The following PHLDB3 variants were observed in gnomAD, a reference collection of about 807,000 sequenced individuals.
The protein encoded by PHLDB3 is pleckstrin homology like domain family B member 3, also known as pleckstrin homology-like domain family B member 3.
A neutral mutation model predicts 85.7 loss-of-function variants in PHLDB3; 86 were observed. That is an observed-to-expected ratio of 1.00 (90% CI 0.84 to 1.20). PHLDB3 has a LOEUF of 1.20. Ranked by LOEUF, PHLDB3 falls within the 50% of genes most tolerant of loss-of-function variation. The pLI, the probability that PHLDB3 is intolerant of heterozygous loss-of-function variation, is 0.00. For missense variants in PHLDB3, 995 were observed against 873.0 expected (o/e 1.14, Z -1.76); for synonymous variants, 376 against 349.8 (o/e 1.07, Z -0.83).
At chr19:43,497,928 A>G (rs1006117059) in intron 4 of PHLDB3, 52 bp from the exon 5 acceptor site, 55 of 1,553,634 alleles carry the variant, frequency 3.5e-5, no homozygotes, top group Non-Finnish European at 4.3e-5. Flanking sequence ...CGGGAGAAGC[A>G]GCAGCCAGCC....
Position 43,479,393 on chromosome 19 carries a change from GC to G in PHLDB3, c.1685del (p.Arg562ProfsTer41). 3 of 1,563,490 alleles carry G rather than the reference GC, an allele frequency of 1.9e-6. No homozygotes were observed. Among genetic ancestry groups the G allele is most frequent in the Non-Finnish European group, 1.7e-6 (2 of 1,154,700 alleles). On this transcript the variant is annotated frameshift_variant, in exon 14 of 16. Transcript: ENST00000292140. LOFTEE classifies it high-confidence loss of function. ...RWFCFDRQAR[R>X]LAYYADKEET... ...TGGGCTTACCCGCATAGTAGGCCAA[GC>G]GGCGGGCTTGGCGGTCAAAGCAGAA...
intron 9 of PHLDB3, among the ~76,000 whole-genome samples, chr19:43,489,952 A>G (rs1971275010): frequency 6.6e-6 from 1 of 151,310 alleles, no homozygotes; most frequent in Non-Finnish European, 1.5e-5. Context: ...GGTTGCAGTG[A>G]GCCGAGATCA....
Position 43,479,578 on chromosome 19 carries a change from GTGGGGTGGGTGGGGCC to G in PHLDB3, c.1486-1_1500del. On this transcript the variant is annotated splice_acceptor_variant and coding_sequence_variant, in exon 14 of 16. Coordinates refer to ENST00000292140, the MANE Select transcript of PHLDB3 (RefSeq NM_198850.4). LOFTEE classifies it high-confidence loss of function. Reference sequence around the variant, plus strand: ...AAGATTCGCGGGCCTGGAGGGTGGGGTGGGGTGGGTGGGGCCTGGGGAGCAAAGAGACGGGGCAGCT... The same window carrying G: ...AAGATTCGCGGGCCTGGAGGGTGGGGTGGGGAGCAAAGAGACGGGGCAGCT... 1 of 1,490,614 alleles carries G rather than the reference GTGGGGTGGGTGGGGCC, an allele frequency of 6.7e-7. No homozygotes were observed. Among genetic ancestry groups the G allele is most frequent in the Non-Finnish European group, 9.1e-7 (1 of 1,095,080 alleles). The allele number at this position is 1,490,614 out of a possible 1,614,324, so 92.3% of individuals were successfully genotyped here.
intron 1 of PHLDB3, 159 bp from the exon 2 acceptor site, chr19:43,504,291 C>A (rs1971700718): frequency 2.8e-6 from 2 of 703,556 alleles, no homozygotes; most frequent in Non-Finnish European, 2.3e-6. Flanking sequence ...CCTGAAGTTT[C>A]CAGAGGCGGG....
chr19:43,504,392 C>T (rs1054023571), intron 1 of PHLDB3, 197 bp downstream of exon 1: 44 of 539,202 alleles, frequency 8.2e-5, no homozygotes, highest in Non-Finnish European at 1.3e-4. Context: ...TCTTCGACCC[C>T]GCCTCCCCTC....
chr19:43,501,179 T>C (rs1160666002), intron 4 of PHLDB3, among the ~76,000 whole-genome samples: 1 of 134,434 alleles, frequency 7.4e-6, no homozygotes, highest in Non-Finnish European at 1.6e-5. Flanking sequence ...TTTTCTCTTT[T>C]TTTTTTTTTT....
intron 9 of PHLDB3, among the ~76,000 whole-genome samples, chr19:43,494,344 A>AC (rs1971390980): frequency 9.8e-6 from 1 of 101,552 alleles, no homozygotes; most frequent in African/African-American, 3.6e-5. Flanking sequence ...CCCCCCCACC[A>AC]CCCCCGCAGT....
chr19:43,502,335 A>T, intron 2 of PHLDB3, 52 bp from the exon 3 acceptor site: 1 of 1,503,204 alleles, frequency 6.7e-7, no homozygotes, highest in South Asian at 1.3e-5. Flanking sequence ...CCCTGCAATC[A>T]CTAAGTAGGT....
intron 13 of PHLDB3, among the ~76,000 whole-genome samples, chr19:43,484,390 A>G (rs1971109862): frequency 6.6e-6 from 1 of 151,394 alleles, no homozygotes; most frequent in Non-Finnish European, 1.5e-5. Context: ...GTGACAATGG[A>G]ATTTTTGTTA....
chr19:43,501,896 G>T (rs1971612264), intron 3 of PHLDB3, 25 bp from the exon 4 acceptor site: 1 of 1,564,562 alleles, frequency 6.4e-7, no homozygotes, highest in African/African-American at 1.4e-5. Flanking sequence ...CCAGGGCTGG[G>T]GGCTCGGACG....
rs868614644 is a variant in PHLDB3 at position 43,504,075 on chromosome 19, A to C, written c.44T>G (p.Leu15Arg). The change falls in exon 2 of 16, where the codon CTG becomes CGG. Residue 15 changes from leucine to arginine, a missense_variant. Coordinates refer to ENST00000292140, the MANE Select transcript of PHLDB3 (RefSeq NM_198850.4). ...SSPEEGTPPP[L>R]VPECDVEVQP... ...GACCTCCACGTCGCATTCCGGGACC[A>C]GCGGCGGCGGGGTCCCCTCCTCGGG... The C allele has an allele frequency of 6.2e-7, 1 of 1,612,530 alleles. No individual in the cohort carries two copies. Among genetic ancestry groups the C allele is most frequent in the Non-Finnish European group, 8.5e-7 (1 of 1,179,364 alleles).
At position 43,486,642 on chromosome 19, in the gene PHLDB3, G is replaced by T. The variant is rs1265020260; in HGVS notation, c.1395C>A (p.Ala465=). Reference sequence around the variant, plus strand: ...TGAGCAGCCGCTCCCTCTCCGCCATGGCCTGCTGCAGGAGCCGCTCCATGT... The same window carrying T: ...TGAGCAGCCGCTCCCTCTCCGCCATTGCCTGCTGCAGGAGCCGCTCCATGT... ...IAHMERLLQQ[A]MAERERLLKA... The change falls in exon 12 of 16, where the codon GCC becomes GCA. Residue 465 remains alanine, a synonymous_variant. Transcript: ENST00000292140. 1 of 1,613,936 alleles carries T rather than the reference G, an allele frequency of 6.2e-7. No homozygotes were observed. The highest frequency in any genetic ancestry group is 1.1e-5 in the South Asian group (1 of 91,076).
At chr19:43,503,139 G>A (rs1160784939) in intron 2 of PHLDB3, among the ~76,000 whole-genome samples, 1 of 152,010 alleles carries the variant, frequency 6.6e-6, no homozygotes, top group East Asian at 1.9e-4. Context: ...TCTGACTCTA[G>A]TCTCACTGTG....
rs139452947 is a variant in PHLDB3, at chr19:43,490,776, T to C, written c.1150-3653A>G. On this transcript the variant is annotated intron_variant, in intron 9 of 15. Coordinates refer to ENST00000292140, the MANE Select transcript of PHLDB3 (RefSeq NM_198850.4). Reference sequence around the variant, plus strand: ...CAGCTTTGTCTGCAGGGCACTTATGTTGTAGGAACTGCATAAGCCATCAGC... The same window carrying C: ...CAGCTTTGTCTGCAGGGCACTTATGCTGTAGGAACTGCATAAGCCATCAGC... Among the ~76,000 whole-genome samples, 313 of 152,270 alleles carry C rather than the reference T, an allele frequency of 2.1e-3. 1 individual carries two copies. The highest frequency in any genetic ancestry group is 3.7e-3 in the Admixed American group (56 of 15,288).
At chr19:43,475,644 CA>C (rs1475009536) in intron 15 of PHLDB3, 100 bp from the exon 16 acceptor site, 30 of 1,454,732 alleles carry the variant, frequency 2.1e-5, no homozygotes, top group Non-Finnish European at 2.5e-5. Context: ...TGGCACTGGA[CA>C]AGGTACTTAA....
chr19:43,500,917 CCCA>C (rs1971577371), intron 4 of PHLDB3, among the ~76,000 whole-genome samples: 1 of 113,220 alleles, frequency 8.8e-6, no homozygotes, highest in Non-Finnish European at 1.9e-5. Context: ...GTACCCCCCC[CCCA>C]CCCCGCAAGT....
At position 43,497,869 on chromosome 19, in the gene PHLDB3, C is replaced by A; in HGVS notation, c.542G>T (p.Arg181Met). 1 of 1,589,632 alleles carries A rather than the reference C, an allele frequency of 6.3e-7. No individual in the cohort carries two copies. Among genetic ancestry groups the A allele is most frequent in the Non-Finnish European group, 8.6e-7 (1 of 1,168,566 alleles). ...RGRQQREQEQ[R>M]RLSQERDRLE... ...GCGATCCCGTTCCTGGCTCAGCCGC[C>A]TCTGTTCCTGAAAGAACAACAAGGT... Residue 181 changes from arginine to methionine, a missense_variant, in exon 5 of 16, where the codon AGG becomes ATG. Physicochemically the swap from Arg to Met is moderately conservative, Grantham distance 91 (BLOSUM62 -1). Coordinates refer to ENST00000292140, the MANE Select transcript of PHLDB3 (RefSeq NM_198850.4).
chr19:43,489,349 A>G (rs578147351), intron 9 of PHLDB3, among the ~76,000 whole-genome samples: 4 of 148,158 alleles, frequency 2.7e-5, no homozygotes, highest in Admixed American at 6.8e-5. Flanking sequence ...CCTGGGCGAC[A>G]GTGAGATCTA....
At chr19:43,504,206 G>C in intron 1 of PHLDB3, 74 bp from the exon 2 acceptor site, 4 of 1,339,722 alleles carry the variant, frequency 3.0e-6, no homozygotes, top group Non-Finnish European at 3.9e-6. Flanking sequence ...GTCTGCTCCG[G>C]GGCGCGGAGA....
Sources: gnomAD v4.1 joint callset for allele counts (sites outside exome capture counted in the v4.1 genomes callset) on GRCh38, gnomAD v4.1.1 for gene constraint, MANE v1.5 for transcripts, NCBI Gene and HGNC (gene_info 2026-07-23, HGNC 2026-07-21) for gene names.